The following PRDM11 variants were observed in gnomAD, a reference collection of about 807,000 sequenced individuals.
PRDM11 encodes the protein PR domain-containing protein 11.
In PRDM11, 20 loss-of-function variants were observed where a neutral mutation model predicts 97.8. That is an observed-to-expected ratio of 0.20 (90% CI 0.14 to 0.30). The LOEUF is 0.30. Ranked by LOEUF, PRDM11 falls within the 10% of genes least tolerant of loss-of-function variation. The pLI is 1.00. For missense variants in PRDM11, 1,139 were observed against 1,555.2 expected, an observed-to-expected ratio of 0.73 and a Z score of 4.50; for synonymous variants, 599 against 637.7, an observed-to-expected ratio of 0.94 and a Z score of 0.91.
At chr11:45,096,478 A>T (rs963363175) in intron 1 of PRDM11, among the ~76,000 whole-genome samples, 1 of 152,162 alleles carries the variant, frequency 6.6e-6, no homozygotes, top group African/African-American at 2.4e-5. Context: ...GATCCCAGAG[A>T]TCTAAGCAGG....
At chr11:45,159,589 C>T (rs1218027955) in intron 1 of PRDM11, among the ~76,000 whole-genome samples, 2 of 152,180 alleles carry the variant, frequency 1.3e-5, no homozygotes, top group Non-Finnish European at 2.9e-5. Context: ...TGACTCTCCT[C>T]GTGACCACAT....
At chr11:45,186,189 C>T (rs759697391) in intron 4 of PRDM11, among the ~76,000 whole-genome samples, 4 of 152,162 alleles carry the variant, frequency 2.6e-5, no homozygotes, top group African/African-American at 4.8e-5. Flanking sequence ...CAATTTATTA[C>T]AGGAGCAACA....
chr11:45,222,734 C>T (rs527718721), intron 6 of PRDM11, among the ~76,000 whole-genome samples: 6 of 152,316 alleles, frequency 3.9e-5, no homozygotes, highest in South Asian at 2.1e-4. Flanking sequence ...GGAAACCAGA[C>T]GTGGAACATC....
intron 1 of PRDM11, among the ~76,000 whole-genome samples, chr11:45,159,487 C>T (rs1055159694): frequency 6.6e-6 from 1 of 152,200 alleles, no homozygotes; most frequent in Admixed American, 6.5e-5. Flanking sequence ...CTACTGTTCG[C>T]CCAGTTTGCG....
chr11:45,138,775 GA>G (rs60018029), intron 1 of PRDM11, among the ~76,000 whole-genome samples: 1,898 of 151,972 alleles, frequency 0.012, 35 homozygotes, highest in African/African-American at 0.043. Flanking sequence ...GAAAATCTAA[GA>G]TTTTTTTTTT....
chr11:45,106,932 G>T (rs369019189), intron 1 of PRDM11, among the ~76,000 whole-genome samples: 1 of 152,204 alleles, frequency 6.6e-6, no homozygotes, highest in Non-Finnish European at 1.5e-5. Flanking sequence ...GAGTGAAAAA[G>T]CTTCACTGCA....
At chr11:45,095,763 G>A (rs1402775149), upstream of PRDM11, 2 of 706,550 alleles carry the variant, frequency 2.8e-6, no homozygotes, top group African/African-American at 1.8e-5. Flanking sequence ...AGATACGATG[G>A]CTACAGCTGG....
chr11:45,183,755 C>T (rs941371344), intron 4 of PRDM11, among the ~76,000 whole-genome samples: 8 of 152,146 alleles, frequency 5.3e-5, no homozygotes, highest in Non-Finnish European at 8.8e-5. Flanking sequence ...AGCTACTAGA[C>T]AGAGATAGGG....
rs1272986045 is a variant in PRDM11 at position 45,183,615 on chromosome 11, G to C, written c.486+492G>C. On this transcript the variant is annotated intron_variant, in intron 4 of 7. Transcript: ENST00000683152. Reference sequence around the variant, plus strand: ...TGGTAGGAAGACAGGCATTGAACAAGCAGGTACACATGTGATATCAGTTGC... The same window carrying C: ...TGGTAGGAAGACAGGCATTGAACAACCAGGTACACATGTGATATCAGTTGC... Among the ~76,000 whole-genome samples the C allele has an allele frequency of 2.0e-5, 3 of 152,166 alleles. No homozygotes were observed. In the East Asian group the frequency reaches 5.8e-4, roughly 29 times the overall value.
At chr11:45,140,368 A>T (rs57536136) in intron 1 of PRDM11, among the ~76,000 whole-genome samples, 4,545 of 152,274 alleles carry the variant, frequency 0.03, 246 homozygotes, top group African/African-American at 0.1. Context: ...CAGGGGTGGG[A>T]CTAGAACCCA....
chr11:45,119,808 C>T (rs1292647429), intron 1 of PRDM11, among the ~76,000 whole-genome samples: 1 of 151,978 alleles, frequency 6.6e-6, no homozygotes, highest in Non-Finnish European at 1.5e-5. Context: ...TATCTATAGC[C>T]TCTATGGTCC....
In PRDM11 at chr11:45,205,597, A is replaced by C. The variant is rs1429148059; in HGVS notation, c.554+819A>C. 2.0e-5 allele frequency among the ~76,000 whole-genome samples: 3 copies of C among 152,260 alleles called. No homozygotes were observed. In the South Asian group the frequency reaches 6.2e-4, roughly 32 times the overall value. On this transcript the variant is annotated intron_variant, in intron 5 of 7. Transcript: ENST00000683152. ...CTGGAGTCAGGGGCACAGCCACACCATGGGCCTGGGGCCCTCTGCCGGCAT... is the reference window on the plus strand; with the variant it reads ...CTGGAGTCAGGGGCACAGCCACACCCTGGGCCTGGGGCCCTCTGCCGGCAT...
intron 5 of PRDM11, among the ~76,000 whole-genome samples, chr11:45,206,981 T>G (rs574885294): frequency 1.3e-5 from 2 of 152,326 alleles, no homozygotes; most frequent in South Asian, 4.2e-4. Context: ...TTTGGGGGTT[T>G]CTGCTACTGC....
At chr11:45,144,610 C>T (rs1851468057), upstream of PRDM11, among the ~76,000 whole-genome samples, 1 of 152,218 alleles carries the variant, frequency 6.6e-6, no homozygotes, top group African/African-American at 2.4e-5. Context: ...TTGCCCTCAT[C>T]TCCGATATCT....
At chr11:45,099,634 A>G (rs936683297) in intron 1 of PRDM11, among the ~76,000 whole-genome samples, 78 of 152,196 alleles carry the variant, frequency 5.1e-4, no homozygotes, top group African/African-American at 1.6e-3. Flanking sequence ...ATGTTCTGAT[A>G]CAGGCATGCA....
chr11:45,156,485 C>T (rs1224010850), intron 1 of PRDM11, among the ~76,000 whole-genome samples: 1 of 152,254 alleles, frequency 6.6e-6, no homozygotes, highest in Non-Finnish European at 1.5e-5. Flanking sequence ...CCGCAGACCT[C>T]TGCCCATCCT....
chr11:45,191,942 T>A (rs1852928230), intron 4 of PRDM11, among the ~76,000 whole-genome samples: 2 of 152,100 alleles, frequency 1.3e-5, no homozygotes, highest in African/African-American at 2.4e-5. Context: ...CAACCCGTCA[T>A]CTAGGTTTTA....
chr11:45,216,307 T>A (rs11038357), intron 5 of PRDM11: 32,287 of 151,908 alleles, frequency 0.21, 3,982 homozygotes, highest in South Asian at 0.3. Context: ...ACCTGGTAAC[T>A]CTTCAAACCT....
chr11:45,104,078 C>T, intron 1 of PRDM11, among the ~76,000 whole-genome samples: 1 of 152,228 alleles, frequency 6.6e-6, no homozygotes, highest in East Asian at 1.9e-4. Context: ...ACTTTTTCGC[C>T]TGGGCATAGC....
Sources: allele counts gnomAD v4.1 joint callset (sites outside exome capture counted in the v4.1 genomes callset), GRCh38; gene constraint gnomAD v4.1.1; transcripts MANE v1.5; gene names NCBI Gene and HGNC (gene_info 2026-07-23, HGNC 2026-07-21).